The following CACNA1I variants were observed in gnomAD, a reference collection of about 807,000 sequenced individuals.
CACNA1I encodes the protein calcium voltage-gated channel subunit alpha1 I.
CACNA1I carries 74 observed loss-of-function variants against 201.6 expected under a neutral mutation model. The ratio of observed to expected loss-of-function variants is 0.37; its 90% CI spans 0.30 to 0.45. The LOEUF is 0.45. Among genes scored for constraint, CACNA1I ranks in the 20% least tolerant of loss-of-function variants. CACNA1I has a pLI of 1.00. For synonymous variants in CACNA1I, 1,431 were observed against 1,345.2 expected, an observed-to-expected ratio of 1.06 and a Z score of -1.40; for missense variants, 2,346 against 3,138.1, an observed-to-expected ratio of 0.75 and a Z score of 6.03.
In CACNA1I at chr22:39,666,495, T is replaced by C. The variant is rs1935202162; in HGVS notation, c.4104+489T>C. Among the ~76,000 whole-genome samples the C allele has an allele frequency of 6.6e-6, 1 of 152,208 alleles. No homozygotes were observed. The highest frequency in any genetic ancestry group is 1.5e-5 in the Non-Finnish European group (1 of 68,032). On this transcript the variant is annotated intron_variant, in intron 23 of 36. Transcript: ENST00000402142. This position sits in a 1 kb window ranked among gnomAD's most constrained non-coding sequence, Gnocchi z 4.1. ...CCTCACCCACCGCTGCTCTCTGCTC[T>C]GTCGGCAGGCAGACCCCTGCCTGGT...
intron 7 of CACNA1I, among the ~76,000 whole-genome samples, chr22:39,645,376 C>A (rs1182736387): frequency 6.6e-6 from 1 of 152,204 alleles, no homozygotes; most frequent in African/African-American, 2.4e-5. Context: ...GATGGAGGCC[C>A]ACCCGGGTCG....
intron 15 of CACNA1I, 56 bp downstream of exon 15, chr22:39,660,493 G>A: frequency 2.4e-6 from 3 of 1,251,008 alleles, no homozygotes; most frequent in Non-Finnish European, 3.4e-6. Context: ...CACAGATCCA[G>A]GTGGGCAGAG....
chr22:39,620,015 C>CCATG (rs1933683649), intron 4 of CACNA1I, among the ~76,000 whole-genome samples: 1 of 118,272 alleles, frequency 8.5e-6, no homozygotes, highest in Admixed American at 8.7e-5. Flanking sequence ...ACCTGTCTAT[C>CCATG]CATCCATCCA....
Position 39,686,269 on chromosome 22 carries a change from C to A in CACNA1I, c.6536C>A (p.Ser2179Ter). Residue 2179 changes from serine to a stop codon, truncating the protein, a stop_gained, in exon 37 of 37, where the codon TCG becomes TAG. Coordinates refer to ENST00000402142, the MANE Select transcript of CACNA1I (RefSeq NM_021096.4). LOFTEE classifies it low-confidence loss of function (END_TRUNC). ...ALAHGLARSPSWAADRSKDPP... is the reference protein window; with the variant it reads ...ALAHGLARSP ...GCCCACGGCCTGGCCCGGAGCCCCT[C>A]GTGGGCCGCGGACCGCAGCAAGGAC... The A allele has an allele frequency of 1.5e-6, 2 of 1,300,134 alleles. No homozygotes were observed. The highest frequency in any genetic ancestry group is 2.0e-6 in the Non-Finnish European group (2 of 1,021,906). The allele number at this position is 1,300,134 out of a possible 1,614,324, so 80.5% of individuals were successfully genotyped here. A position where few individuals can be genotyped will look rare whatever the true frequency, so the allele number is the denominator to read the frequency against.
At chr22:39,654,119 A>C (rs1237333548) in intron 10 of CACNA1I, among the ~76,000 whole-genome samples, 2 of 152,182 alleles carry the variant, frequency 1.3e-5, no homozygotes, top group African/African-American at 4.8e-5. Context: ...GCATCTAATC[A>C]CCACCAGGCA....
At chr22:39,672,411 A>G (rs1229713677) in intron 27 of CACNA1I, 103 bp downstream of exon 27, 4 of 784,228 alleles carry the variant, frequency 5.1e-6, no homozygotes, top group Non-Finnish European at 6.8e-6. Context: ...GAGGGGAACC[A>G]GTAAGCATCT....
Position 39,664,714 on chromosome 22 carries a change from GACCCCGGCCCC to G in CACNA1I, c.3667-19_3667-9del. The stretch of plus-strand genomic sequence containing the variant: ...CTGCCCGCCCCTCCCGCGGCAGCCT[GACCCCGGCCCC>G]ACCCCCGCCCCAGGTAGTCTCGCTG... On this transcript the variant is annotated splice_polypyrimidine_tract_variant and intron_variant, in intron 20 of 36. Coordinates refer to ENST00000402142, the MANE Select transcript of CACNA1I (RefSeq NM_021096.4). The G allele has an allele frequency of 2.0e-6, 2 of 983,718 alleles. No individual in the cohort carries two copies. Among genetic ancestry groups the G allele is most frequent in the Non-Finnish European group, 2.8e-6 (2 of 724,138 alleles). 60.9% of individuals were successfully genotyped at this position (983,718 alleles called of 1,614,324 possible). A position where few individuals can be genotyped will look rare whatever the true frequency, so the allele number is the denominator to read the frequency against.
At chr22:39,575,203 C>T (rs1359030771) in intron 1 of CACNA1I, among the ~76,000 whole-genome samples, 1 of 152,208 alleles carries the variant, frequency 6.6e-6, no homozygotes, top group East Asian at 1.9e-4. Context: ...CGTGTGGCAC[C>T]GTGGAAAGCG....
At chr22:39,601,982 TTCCTTCCTTCCTTC>T (rs1933066703) in intron 3 of CACNA1I, among the ~76,000 whole-genome samples, 1 of 14,736 alleles carries the variant, frequency 6.8e-5, no homozygotes, top group African/African-American at 3.7e-4. Context: ...CCTCCCTCCC[TTCCTTCCTTCCTTC>T]CTTCCCTCCT....
intron 29 of CACNA1I, among the ~76,000 whole-genome samples, chr22:39,675,070 C>T (rs1199573888): frequency 6.6e-6 from 1 of 152,214 alleles, no homozygotes; most frequent in Non-Finnish European, 1.5e-5. Flanking sequence ...TGATGCTGGG[C>T]TGCAGGCTGT....
At chr22:39,603,297 C>G (rs1477681282) in intron 3 of CACNA1I, among the ~76,000 whole-genome samples, 2 of 152,130 alleles carry the variant, frequency 1.3e-5, no homozygotes, top group Admixed American at 6.6e-5. Context: ...TTTGTCCATG[C>G]CTTTCCCCTT....
Position 39,646,682 on chromosome 22 carries a change from C to T in CACNA1I, c.1263C>T (p.Ser421=), listed in dbSNP as rs1419593613. Residue 421 remains serine, a synonymous_variant, in exon 8 of 37, where the codon TCC becomes TCT. Transcript: ENST00000402142. ...LMLEQRQRYL[S]SSTVASYAEP... The stretch of plus-strand genomic sequence containing the variant: ...TGGAGCAGCGGCAGCGCTACCTGTC[C>T]TCCAGCACGGTGGCCAGCTACGCCG... 1 of 1,587,102 alleles carries T rather than the reference C, an allele frequency of 6.3e-7. No homozygotes were observed. The highest frequency in any genetic ancestry group is 8.6e-7 in the Non-Finnish European group (1 of 1,167,114).
At chr22:39,657,775 C>T (rs561659233) in intron 10 of CACNA1I, among the ~76,000 whole-genome samples, 6 of 152,374 alleles carry the variant, frequency 3.9e-5, no homozygotes, top group African/African-American at 1.4e-4. Context: ...CTAGCGACGC[C>T]TGTCCTGCTT....
intron 10 of CACNA1I, among the ~76,000 whole-genome samples, chr22:39,654,240 G>T (rs1433441609): frequency 6.6e-6 from 1 of 152,216 alleles, no homozygotes; most frequent in Non-Finnish European, 1.5e-5. Flanking sequence ...AGTTGAACTG[G>T]AGGAAGGCAT....
At chr22:39,661,591 A>AGACT (rs1403557137) in intron 16 of CACNA1I, among the ~76,000 whole-genome samples, 1 of 152,246 alleles carries the variant, frequency 6.6e-6, no homozygotes, top group Non-Finnish European at 1.5e-5. Flanking sequence ...GGAGTCAGGC[A>AGACT]GACTGCAGCT....
chr22:39,671,393 A>C (rs891343337), intron 26 of CACNA1I, among the ~76,000 whole-genome samples: 3 of 152,186 alleles, frequency 2.0e-5, no homozygotes, highest in African/African-American at 7.2e-5. Flanking sequence ...ACTCAGCCAT[A>C]GGTAGTGGAA....
At chr22:39,620,207 C>T (rs1933699277) in intron 4 of CACNA1I, among the ~76,000 whole-genome samples, 1 of 151,136 alleles carries the variant, frequency 6.6e-6, no homozygotes, top group South Asian at 2.1e-4. Flanking sequence ...ACCCACCCGT[C>T]CATCCATCTA....
rs749016977 is a variant in CACNA1I at position 39,662,109 on chromosome 22, C to G, written c.3046C>G (p.Arg1016Gly). Reference protein sequence around the residue: ...LLSAERGGGARVCEVAADEGP... With the variant: ...LLSAERGGGAGVCEVAADEGP... ...CTCTGCGGAGCGCGGCGGCGGCGCC[C>G]GGGTCTGCGAGGTTGCCGCGGACGA... The change falls in exon 17 of 37, where the codon CGG becomes GGG. Residue 1016 changes from arginine (R) to glycine (G), a missense_variant. This residue lies in a region of CACNA1I where 288 missense variants were observed against 255.2 expected (regional missense o/e 1.13). Coordinates refer to ENST00000402142, the MANE Select transcript of CACNA1I (RefSeq NM_021096.4). 18 of 1,527,482 alleles carry G rather than the reference C, an allele frequency of 1.2e-5. No homozygotes were observed. Among genetic ancestry groups the G allele is most frequent in the Non-Finnish European group, 1.5e-5 (17 of 1,141,492 alleles). 94.6% of individuals were successfully genotyped at this position (1,527,482 alleles called of 1,614,324 possible). A position where few individuals can be genotyped will look rare whatever the true frequency, so the allele number is the denominator to read the frequency against.
chr22:39,681,008 C>T lies in CACNA1I; in HGVS notation c.5620C>T (p.Leu1874Phe), dbSNP rs773747088. The T allele has an allele frequency of 9.3e-6, 15 of 1,611,488 alleles. No individual in the cohort carries two copies. Among genetic ancestry groups the T allele is most frequent in the Middle Eastern group, 1.6e-4 (1 of 6,082 alleles). The change falls in exon 34 of 37, where the codon CTC (leucine) becomes TTC (phenylalanine). Residue 1874 changes from leucine (L) to phenylalanine (F), a missense_variant. Physicochemically the swap from Leu to Phe is conservative, Grantham distance 22 (BLOSUM62 0). Coordinates refer to ENST00000402142, the MANE Select transcript of CACNA1I (RefSeq NM_021096.4). Reference sequence around the variant, plus strand: ...CATCCTGCTGGGTGACGACCTGAGTCTCGAGGACCCCACAGCCTGCCCACC... The same window carrying T: ...CATCCTGCTGGGTGACGACCTGAGTTTCGAGGACCCCACAGCCTGCCCACC... ...SSILLGDDLS[L>F]EDPTACPPGR... is the part of the protein sequence containing the mutation.
Sources: gnomAD v4.1 joint callset for allele counts (sites outside exome capture counted in the v4.1 genomes callset) on GRCh38, gnomAD v4.1.1 for gene constraint, gnomAD v4.1.1 regional missense constraint, Gnocchi (gnomAD v3.1) non-coding constraint, MANE v1.5 for transcripts, NCBI Gene and HGNC (gene_info 2026-07-23, HGNC 2026-07-21) for gene names.